Variants in PCSK5 observed in about 807,000 individuals in gnomAD.
PCSK5 encodes proprotein convertase subtilisin/kexin type 5.
Under a neutral mutation model 233.2 loss-of-function variants are expected in PCSK5, and 129 were observed. The observed-to-expected ratio is 0.55, with a 90% CI of 0.48 to 0.64. PCSK5 has a LOEUF of 0.64. PCSK5 is among the 30% of genes least tolerant of loss of function. PCSK5 has a pLI of 0.00. For missense variants in PCSK5, 2,076 were observed against 2,430.1 expected, an observed-to-expected ratio of 0.85 and a Z score of 3.06; for synonymous variants, 825 against 879.2, an observed-to-expected ratio of 0.94 and a Z score of 1.09.
At chr9:76,056,658 T>C (rs761657376) in intron 5 of PCSK5, among the ~76,000 whole-genome samples, 2 of 152,230 alleles carry the variant, frequency 1.3e-5, no homozygotes, top group Non-Finnish European at 1.5e-5. Flanking sequence ...AAGGCAGGCA[T>C]GATCTTTAAG....
chr9:76,179,228 T>C (rs1587723906), intron 14 of PCSK5, among the ~76,000 whole-genome samples: 1 of 152,206 alleles, frequency 6.6e-6, no homozygotes, highest in African/African-American at 2.4e-5. Context: ...TTCTCTCTTT[T>C]CTACAAATCC....
At chr9:76,079,755 G>A (rs1205259162) in intron 7 of PCSK5, among the ~76,000 whole-genome samples, 1 of 152,188 alleles carries the variant, frequency 6.6e-6, no homozygotes, top group Non-Finnish European at 1.5e-5. Flanking sequence ...TTCTCAAGGG[G>A]AATGGTTCCA....
At chr9:75,931,829 T>C (rs558261319) in intron 1 of PCSK5, among the ~76,000 whole-genome samples, 3 of 152,378 alleles carry the variant, frequency 2.0e-5, no homozygotes, top group Non-Finnish European at 4.4e-5. Flanking sequence ...ATTTTACTTT[T>C]AGTTTTGCAA....
In PCSK5 at chr9:76,026,961, G is replaced by A; in HGVS notation, c.556G>A (p.Asp186Asn). 1.2e-6 allele frequency: 2 copies of A among 1,604,186 alleles called. No individual in the cohort carries two copies. The highest frequency in any genetic ancestry group is 1.7e-6 in the Non-Finnish European group (2 of 1,173,440). Residue 186 changes from aspartate to asparagine, a missense_variant and splice_region_variant, in exon 5 of 38, where the codon GAT becomes AAT. By Grantham distance (23) the Asp-to-Asn change is conservative. Coordinates refer to ENST00000674117, the MANE Select transcript of PCSK5 (RefSeq NM_001372043.1). The part of the protein sequence containing the change: ...RTHPDLMQNY[D>N]ALASCDVNGN... ...CTTGCTCTCTCCTCTGTGGCCATAG[G>A]ATGCTCTGGCAAGTTGCGACGTGAA...
At chr9:75,971,920 T>C (rs987923022) in intron 2 of PCSK5, among the ~76,000 whole-genome samples, 1 of 152,200 alleles carries the variant, frequency 6.6e-6, no homozygotes. Flanking sequence ...CAGAAGCTCT[T>C]TAGTTTAATT....
chr9:76,014,188 T>A (rs540311507), intron 3 of PCSK5, among the ~76,000 whole-genome samples: 1 of 152,266 alleles, frequency 6.6e-6, no homozygotes, highest in South Asian at 2.1e-4. Flanking sequence ...AAATTACATT[T>A]TAGAAAAGAA....
At chr9:75,954,900 GCTAT>G (rs1260327000) in intron 2 of PCSK5, among the ~76,000 whole-genome samples, 4 of 152,282 alleles carry the variant, frequency 2.6e-5, no homozygotes, top group Non-Finnish European at 4.4e-5. Flanking sequence ...TCTCTGAAAT[GCTAT>G]CTATTTGTAC....
chr9:75,934,589 A>AT (rs1002167729), intron 2 of PCSK5, among the ~76,000 whole-genome samples: 2 of 146,288 alleles, frequency 1.4e-5, no homozygotes, highest in Non-Finnish European at 3.0e-5. Context: ...TTTTTTTTAA[A>AT]TTTTTTTTTT....
At chr9:76,048,885 C>T (rs1399150123) in intron 5 of PCSK5, among the ~76,000 whole-genome samples, 1 of 152,034 alleles carries the variant, frequency 6.6e-6, no homozygotes, top group Non-Finnish European at 1.5e-5. Context: ...TTACATAAAA[C>T]AGAATTCAGT....
At chr9:76,078,265 A>G (rs1226272522) in intron 7 of PCSK5, among the ~76,000 whole-genome samples, 1 of 152,100 alleles carries the variant, frequency 6.6e-6, no homozygotes, top group East Asian at 1.9e-4. Flanking sequence ...TGCTGTGCAG[A>G]AGCTTTTTAG....
chr9:76,140,923 A>C (rs540003403), intron 10 of PCSK5, among the ~76,000 whole-genome samples: 1 of 152,210 alleles, frequency 6.6e-6, no homozygotes, highest in African/African-American at 2.4e-5. Flanking sequence ...TTAAGAGAAA[A>C]TAGACGTCTC....
intron 20 of PCSK5, among the ~76,000 whole-genome samples, chr9:76,205,373 G>T (rs1259816179): frequency 6.6e-6 from 1 of 152,156 alleles, no homozygotes; most frequent in Non-Finnish European, 1.5e-5. Flanking sequence ...CTCGTATGGG[G>T]CTGGGGCAAC....
intron 24 of PCSK5, among the ~76,000 whole-genome samples, chr9:76,256,314 C>A (rs1192170139): frequency 1.3e-5 from 2 of 152,244 alleles, no homozygotes; most frequent in Admixed American, 1.3e-4. Context: ...TGTTGTGTAA[C>A]TGACCTGCTA....
chr9:75,895,666 C>T (rs971669641), intron 1 of PCSK5, among the ~76,000 whole-genome samples: 2 of 152,112 alleles, frequency 1.3e-5, no homozygotes, highest in Admixed American at 6.6e-5. Flanking sequence ...AAGCATACTG[C>T]GGATGGACAA....
intron 10 of PCSK5, among the ~76,000 whole-genome samples, chr9:76,139,151 AC>A (rs1823097523): frequency 1.3e-5 from 2 of 152,164 alleles, no homozygotes; most frequent in Admixed American, 6.6e-5. Context: ...TTTAATACCT[AC>A]CTGTCTTGCT....
intron 2 of PCSK5, among the ~76,000 whole-genome samples, chr9:75,968,491 T>G (rs1478922350): frequency 1.3e-5 from 2 of 152,226 alleles, no homozygotes; most frequent in Non-Finnish European, 2.9e-5. Flanking sequence ...TGAAAAAGTC[T>G]GACAAATGGT....
At position 76,069,457 on chromosome 9, in the gene PCSK5, T is replaced by TA. The variant is rs5898446; in HGVS notation, c.721+1428dup. Among the ~76,000 whole-genome samples the TA allele has an allele frequency of 1.1e-3, 165 of 145,386 alleles. 1 individual carries two copies. Among genetic ancestry groups the TA allele is most frequent in the Middle Eastern group, 7.0e-3 (2 of 286 alleles). ...ATGACCTAGCTTACAGAACCTTATT[T>TA]AAAAAAAAAAAAAAGGATATATGGC... On this transcript the variant is annotated intron_variant, in intron 6 of 37. Transcript: ENST00000674117.
chr9:76,093,781 A>C (rs1253386588), intron 7 of PCSK5, among the ~76,000 whole-genome samples: 1 of 152,084 alleles, frequency 6.6e-6, no homozygotes, highest in Admixed American at 6.6e-5. Flanking sequence ...ATAGAGAGGG[A>C]ACATATTGAT....
chr9:76,266,449 T>TGCAAAA (rs1827335541), intron 24 of PCSK5, among the ~76,000 whole-genome samples: 7 of 152,198 alleles, frequency 4.6e-5, no homozygotes, highest in Admixed American at 3.9e-4. Flanking sequence ...GTGTGCCTAT[T>TGCAAAA]TAATTCCCAT....
Sources: allele counts gnomAD v4.1 joint callset (sites outside exome capture counted in the v4.1 genomes callset), GRCh38; gene constraint gnomAD v4.1.1; transcripts MANE v1.5; gene names NCBI Gene and HGNC (gene_info 2026-07-23, HGNC 2026-07-21).